The following MEGF11 variants were observed in gnomAD, a reference collection of about 807,000 sequenced individuals.
MEGF11 encodes multiple EGF like domains 11.
In MEGF11, 126 loss-of-function variants were observed where a neutral mutation model predicts 146.6. The ratio of observed to expected loss-of-function variants is 0.86; its 90% confidence interval spans 0.74 to 1.00. MEGF11 has a LOEUF of 1.00. Ranked by LOEUF, MEGF11 falls within the 50% of genes least tolerant of loss-of-function variation. MEGF11 has a pLI of 0.00. For missense variants in MEGF11, 1,509 were observed against 1,521.2 expected (o/e 0.99, Z 0.13); for synonymous variants, 532 against 583.4 (o/e 0.91, Z 1.27).
intron 5 of MEGF11, among the ~76,000 whole-genome samples, chr15:66,033,012 C>T (rs190755906): frequency 7.4e-6 from 1 of 134,266 alleles, no homozygotes; most frequent in Non-Finnish European, 1.5e-5. Flanking sequence ...ACCTGGGAGG[C>T]AGAGCTTGCA....
intron 1 of MEGF11, among the ~76,000 whole-genome samples, chr15:66,236,696 G>T (rs1278046193): frequency 6.6e-6 from 1 of 152,140 alleles, no homozygotes; most frequent in Non-Finnish European, 1.5e-5. Context: ...GGTCCCCAGT[G>T]AGCCTCCGTG....
intron 13 of MEGF11, among the ~76,000 whole-genome samples, chr15:65,927,251 G>T (rs1202429743): frequency 4.6e-5 from 7 of 152,172 alleles, no homozygotes; most frequent in African/African-American, 1.7e-4. Flanking sequence ...CCCTGTAGTT[G>T]CAAGGATAAT....
intron 1 of MEGF11, among the ~76,000 whole-genome samples, chr15:66,222,543 T>G (rs2140167822): frequency 6.6e-6 from 1 of 152,308 alleles, no homozygotes; most frequent in Non-Finnish European, 1.5e-5. Flanking sequence ...CCCGCACAAT[T>G]AAGGAGCTAT....
At chr15:66,154,788 T>C (rs1813727324) in intron 1 of MEGF11, among the ~76,000 whole-genome samples, 1 of 152,112 alleles carries the variant, frequency 6.6e-6, no homozygotes, top group Non-Finnish European at 1.5e-5. Flanking sequence ...GGTAACCTTT[T>C]CAGTTGATGA....
At chr15:66,182,333 G>GGT (rs2141155862) in intron 1 of MEGF11, among the ~76,000 whole-genome samples, 1 of 152,282 alleles carries the variant, frequency 6.6e-6, no homozygotes, top group East Asian at 1.9e-4. Context: ...ACGGTGTGTG[G>GGT]GTGTTTGATC....
At chr15:65,946,356 C>G (rs1213065839) in intron 10 of MEGF11, among the ~76,000 whole-genome samples, 3 of 152,212 alleles carry the variant, frequency 2.0e-5, no homozygotes, top group African/African-American at 7.2e-5. Flanking sequence ...AAAGTCCATG[C>G]TCTCCCCACT....
At chr15:66,238,154 G>A (rs1187671091) in intron 1 of MEGF11, among the ~76,000 whole-genome samples, 1 of 152,192 alleles carries the variant, frequency 6.6e-6, no homozygotes, top group East Asian at 1.9e-4. Context: ...CCAGGAGGGT[G>A]TGAATAGGGC....
At chr15:66,165,826 G>A (rs2090083038) in intron 1 of MEGF11, among the ~76,000 whole-genome samples, 1 of 152,296 alleles carries the variant, frequency 6.6e-6, no homozygotes, top group South Asian at 2.1e-4. Context: ...AGTCCTGCCA[G>A]GCCAGAGACA....
intron 5 of MEGF11, among the ~76,000 whole-genome samples, chr15:66,006,372 G>C (rs1038496633): frequency 6.6e-6 from 1 of 152,220 alleles, no homozygotes; most frequent in Non-Finnish European, 1.5e-5. Flanking sequence ...TGCTGGCCTA[G>C]AGCCCTCTGA....
chr15:66,046,069 T>C (rs1471283703), intron 5 of MEGF11, among the ~76,000 whole-genome samples: 1 of 152,088 alleles, frequency 6.6e-6, no homozygotes, highest in Non-Finnish European at 1.5e-5. Context: ...CACCACTGCA[T>C]TCCAGCCTGG....
intron 1 of MEGF11, among the ~76,000 whole-genome samples, chr15:66,131,484 T>C (rs1431958724): frequency 2.6e-5 from 4 of 152,180 alleles, no homozygotes; most frequent in Non-Finnish European, 5.9e-5. Context: ...AGGTGGAGGC[T>C]AGAGAAAGGG....
intron 7 of MEGF11, among the ~76,000 whole-genome samples, chr15:65,976,395 G>C (rs889790590): frequency 1.3e-5 from 2 of 152,254 alleles, no homozygotes; most frequent in African/African-American, 4.8e-5. Flanking sequence ...GACTGTATTT[G>C]GAAACAGGAC....
chr15:65,967,604 T>TA (rs1425397022), intron 8 of MEGF11, among the ~76,000 whole-genome samples: 2 of 152,100 alleles, frequency 1.3e-5, no homozygotes, highest in Non-Finnish European at 2.9e-5. Context: ...CAGGGCCAGC[T>TA]AGCAAGTGTG....
intron 5 of MEGF11, among the ~76,000 whole-genome samples, chr15:66,008,464 A>G (rs1165620745): frequency 6.6e-6 from 1 of 151,744 alleles, no homozygotes; most frequent in Non-Finnish European, 1.5e-5. Flanking sequence ...ATTACAGCCT[A>G]GTCTAACTCC....
chr15:65,909,199 G>T, intron 22 of MEGF11, 64 bp from the exon 23 acceptor site: 1 of 1,189,866 alleles, frequency 8.4e-7, no homozygotes, highest in Non-Finnish European at 1.2e-6. Context: ...AGGGGAAGGG[G>T]GTAGGAAGTA....
rs899428991 is a variant in MEGF11, at chr15:65,990,639, G to T, written c.395-8151C>A. Among the ~76,000 whole-genome samples, 3 of 138,372 alleles carry T rather than the reference G, an allele frequency of 2.2e-5. No individual in the cohort carries two copies. The Admixed American group carries it at 2.3e-4, about 10-fold the overall frequency. 90.8% of individuals were successfully genotyped at this position (138,372 alleles called of 152,430 possible). ...AAAAAGAAAAGAAAAAAAGAGAAAG[G>T]AAAAGAAAAAAGAAGGAAGGGAAGG... On this transcript the variant is annotated intron_variant, in intron 5 of 25. Transcript: ENST00000395614.
chr15:66,057,981 C>A (rs2084747619), intron 5 of MEGF11, among the ~76,000 whole-genome samples: 1 of 152,134 alleles, frequency 6.6e-6, no homozygotes, highest in Non-Finnish European at 1.5e-5. Flanking sequence ...TTAATTGCCA[C>A]ACAAAAAGAA....
chr15:65,933,641 A>G (rs997305960), intron 10 of MEGF11, among the ~76,000 whole-genome samples: 4 of 152,128 alleles, frequency 2.6e-5, no homozygotes, highest in Non-Finnish European at 5.9e-5. Context: ...GAAAAGGGAG[A>G]CTCAGAGAGG....
chr15:66,221,433 C>T (rs1043913400), intron 1 of MEGF11, among the ~76,000 whole-genome samples: 1 of 152,064 alleles, frequency 6.6e-6, no homozygotes, highest in African/African-American at 2.4e-5. Flanking sequence ...CTTCTACCCT[C>T]CATTGCCTTT....
Sources: gnomAD v4.1 joint callset for allele counts (sites outside exome capture counted in the v4.1 genomes callset) on GRCh38, gnomAD v4.1.1 for gene constraint, MANE v1.5 for transcripts, NCBI Gene and HGNC (gene_info 2026-07-23, HGNC 2026-07-21) for gene names.